Variants in NBEAL1 observed in about 807,000 individuals in gnomAD.
The protein encoded by NBEAL1 is neurobeachin-like protein 1.
NBEAL1 carries 273 observed loss-of-function variants against 351.3 expected under a neutral mutation model. The observed-to-expected ratio is 0.78, with a 90% CI of 0.70 to 0.86. The LOEUF (loss-of-function observed/expected upper bound fraction) is 0.86, where lower values mean the gene tolerates loss of function less well. Ranked by LOEUF, NBEAL1 falls within the 40% of genes least tolerant of loss-of-function variation. NBEAL1 has a pLI of 0.00. For missense variants in NBEAL1, 2,961 were observed against 3,201.3 expected, an observed-to-expected ratio of 0.92 and a Z score of 1.81; for synonymous variants, 1,050 against 1,086.4, an observed-to-expected ratio of 0.97 and a Z score of 0.66.
chr2:203,129,120 G>A (rs532985639), intron 24 of NBEAL1, among the ~76,000 whole-genome samples: 78 of 152,122 alleles, frequency 5.1e-4, no homozygotes, highest in African/African-American at 1.7e-3. Context: ...GATTATTCTC[G>A]TGCACGTGGT....
intron 37 of NBEAL1, among the ~76,000 whole-genome samples, 188 bp downstream of exon 37, chr2:203,166,485 G>A (rs1444786187): frequency 6.6e-6 from 1 of 152,114 alleles, no homozygotes; most frequent in Admixed American, 6.5e-5. Context: ...AATTATCAAT[G>A]CATTTTTAAG....
At chr2:203,167,956 C>T (rs755281870) in intron 38 of NBEAL1, among the ~76,000 whole-genome samples, 29 of 152,210 alleles carry the variant, frequency 1.9e-4, no homozygotes, top group African/African-American at 4.8e-4. Context: ...GTAAAATATT[C>T]GCATTTTAAT....
Position 203,132,759 on chromosome 2 carries a change from T to G in NBEAL1, c.3725-299T>G, listed in dbSNP as rs1369934033. 4.6e-5 allele frequency among the ~76,000 whole-genome samples: 7 copies of G among 152,258 alleles called. No homozygotes were observed. The South Asian group carries it at 1.2e-3, about 27-fold the overall frequency. Reference sequence around the variant, plus strand: ...TGGGAGTTTGGGGATATAAGATTCTTTGTCTTGATTAGTTTACAATCTTGT... The same window carrying G: ...TGGGAGTTTGGGGATATAAGATTCTGTGTCTTGATTAGTTTACAATCTTGT... On this transcript the variant is annotated intron_variant, in intron 26 of 55. Coordinates refer to ENST00000683969, the MANE Select transcript of NBEAL1 (RefSeq NM_001378026.1).
chr2:203,177,373 TAAA>T (rs35540453), intron 42 of NBEAL1, among the ~76,000 whole-genome samples: 5 of 135,458 alleles, frequency 3.7e-5, no homozygotes, highest in Admixed American at 2.2e-4. Context: ...CCATCTCTAT[TAAA>T]AAAAAAAAAA....
intron 3 of NBEAL1, among the ~76,000 whole-genome samples, chr2:203,048,941 T>C (rs1228610575): frequency 2.0e-5 from 3 of 151,886 alleles, no homozygotes; most frequent in African/African-American, 7.3e-5. Flanking sequence ...GGTTATCTTT[T>C]CTCCCTCTTC....
chr2:203,031,178 T>A (rs1193401358), intron 2 of NBEAL1, among the ~76,000 whole-genome samples: 1 of 152,222 alleles, frequency 6.6e-6, no homozygotes, highest in Non-Finnish European at 1.5e-5. Flanking sequence ...GATTTGGCAG[T>A]TTCTCTTGTC....
intron 37 of NBEAL1, 128 bp downstream of exon 37, chr2:203,166,425 A>G (rs779292356): frequency 5.9e-6 from 5 of 843,596 alleles, no homozygotes; most frequent in Non-Finnish European, 7.2e-6. Flanking sequence ...AAAGTCAGTA[A>G]GGGGTCAAAT....
chr2:203,223,571 A>G lies in NBEAL1; in HGVS notation c.*6217A>G, dbSNP rs887530219. Among the ~76,000 whole-genome samples, 1 of 152,048 alleles carries G rather than the reference A, an allele frequency of 6.6e-6. No homozygotes were observed. The highest frequency in any genetic ancestry group is 2.4e-5 in the African/African-American group (1 of 41,440). The stretch of plus-strand genomic sequence containing the variant: ...TAATGTAAGATGAAGAAAAATTAGG[A>G]TTTAGGTGGGATTTTTAAAAATTTA... On this transcript the variant is annotated 3_prime_UTR_variant, in exon 56 of 56. Coordinates refer to ENST00000683969, the MANE Select transcript of NBEAL1 (RefSeq NM_001378026.1).
intron 26 of NBEAL1, among the ~76,000 whole-genome samples, chr2:203,132,788 T>G (rs2106302551): frequency 6.6e-6 from 1 of 152,286 alleles, no homozygotes; most frequent in East Asian, 1.9e-4. Flanking sequence ...ATCTTGTTGA[T>G]AAGACATGTA....
intron 3 of NBEAL1, among the ~76,000 whole-genome samples, chr2:203,045,152 T>C (rs1447446004): frequency 2.6e-5 from 4 of 152,192 alleles, no homozygotes; most frequent in African/African-American, 9.6e-5. Flanking sequence ...TTAGTCATTT[T>C]TTAGAAGCTG....
chr2:203,202,964 T>A (rs2065443270), intron 51 of NBEAL1, among the ~76,000 whole-genome samples, 183 bp downstream of exon 51: 1 of 152,240 alleles, frequency 6.6e-6, no homozygotes. Context: ...GTCTGATTCA[T>A]TACCTTATTC....
intron 2 of NBEAL1, among the ~76,000 whole-genome samples, chr2:203,022,480 C>G (rs1051472050): frequency 3.9e-5 from 6 of 152,122 alleles, no homozygotes; most frequent in Non-Finnish European, 8.8e-5. Context: ...AATTCTGTGT[C>G]TGATCTTAAG....
intron 46 of NBEAL1, among the ~76,000 whole-genome samples, chr2:203,192,990 G>A (rs74803423): frequency 1.8e-4 from 1 of 5,708 alleles, no homozygotes; most frequent in Admixed American, 1.3e-3. Context: ...TTTTTTTTTT[G>A]AGATGGAGTC....
At chr2:203,123,941 T>G (rs1220898877) in intron 19 of NBEAL1, among the ~76,000 whole-genome samples, 3 of 150,970 alleles carry the variant, frequency 2.0e-5, no homozygotes, top group Admixed American at 6.6e-5. Flanking sequence ...CCAAAAAAGT[T>G]AAATGACAAC....
At chr2:203,122,447 C>A (rs2106273945) in intron 19 of NBEAL1, 104 bp downstream of exon 19, 1 of 696,932 alleles carries the variant, frequency 1.4e-6, no homozygotes, top group Non-Finnish European at 2.4e-6. Context: ...AATAATAGGT[C>A]TCAGTTAAAG....
intron 11 of NBEAL1, among the ~76,000 whole-genome samples, 190 bp from the exon 12 acceptor site, chr2:203,099,439 G>A (rs1412235739): frequency 6.6e-6 from 1 of 151,896 alleles, no homozygotes; most frequent in African/African-American, 2.4e-5. Flanking sequence ...CTTGACATGT[G>A]GTTTATTTTT....
chr2:203,135,646 G>A lies in NBEAL1; in HGVS notation c.3814-31G>A, dbSNP rs529110034. On this transcript the variant is annotated intron_variant, in intron 27 of 55. Coordinates refer to ENST00000683969, the MANE Select transcript of NBEAL1 (RefSeq NM_001378026.1). ...TGATATAAAGTACTATGTACTTTTTGAAGAATTTTGTATTCTAAATCTTTT... is the reference window on the plus strand; with the variant it reads ...TGATATAAAGTACTATGTACTTTTTAAAGAATTTTGTATTCTAAATCTTTT... 2.9e-6 allele frequency: 4 copies of A among 1,386,326 alleles called. 1 individual carries two copies. The African/African-American group carries it at 5.8e-5, about 20-fold the overall frequency. The allele number at this position is 1,386,326 out of a possible 1,614,324, so 85.9% of individuals were successfully genotyped here.
intron 4 of NBEAL1, among the ~76,000 whole-genome samples, chr2:203,054,378 AT>A (rs2061372576): frequency 6.6e-6 from 1 of 151,732 alleles, no homozygotes; most frequent in African/African-American, 2.4e-5. Context: ...GTGAGCCGAG[AT>A]CACGCCACTG....
intron 21 of NBEAL1, 102 bp downstream of exon 21, chr2:203,126,195 A>C: frequency 3.4e-6 from 4 of 1,187,860 alleles, no homozygotes; most frequent in Non-Finnish European, 4.6e-6. Context: ...AGATTATTAC[A>C]ACTTGAATTA....
Sources: allele counts gnomAD v4.1 joint callset (sites outside exome capture counted in the v4.1 genomes callset), GRCh38; gene constraint gnomAD v4.1.1; transcripts MANE v1.5; gene names NCBI Gene and HGNC (gene_info 2026-07-23, HGNC 2026-07-21).